LARGE1: variants seen among roughly 807,000 people sequenced by gnomAD.
The protein encoded by LARGE1 is xylosyl- and glucuronyltransferase LARGE1.
LARGE1 carries 43 observed loss-of-function variants against 87.6 expected under a neutral mutation model. That is an observed-to-expected ratio of 0.49 (90% CI 0.38 to 0.63). The LOEUF (loss-of-function observed/expected upper bound fraction) is 0.63, where lower values mean the gene tolerates loss of function less well. Among genes scored for constraint, LARGE1 ranks in the 30% least tolerant of loss-of-function variants. LARGE1 has a pLI of 0.00. For missense variants in LARGE1, 802 were observed against 1,000.2 expected (o/e 0.80, Z 2.67); for synonymous variants, 434 against 394.6 (o/e 1.10, Z -1.18).
At chr22:33,405,613 G>A (rs2066069562) in intron 7 of LARGE1, among the ~76,000 whole-genome samples, 1 of 152,178 alleles carries the variant, frequency 6.6e-6, no homozygotes, top group Non-Finnish European at 1.5e-5. Flanking sequence ...AGGGGCAGGA[G>A]CCTTCTGCTT....
chr22:33,586,289 T>C (rs867005002), intron 5 of LARGE1, among the ~76,000 whole-genome samples: 46 of 152,160 alleles, frequency 3.0e-4, no homozygotes, highest in African/African-American at 1.1e-3. Context: ...TATAAGTTTG[T>C]GGGTGCTCTT....
At chr22:33,757,449 G>T (rs496210) in intron 2 of LARGE1, among the ~76,000 whole-genome samples, 85,066 of 151,892 alleles carry the variant, frequency 0.56, 23,946 homozygotes, top group East Asian at 0.66. Context: ...CGGAAGAAAC[G>T]AAGGCCTACC....
chr22:33,711,405 C>T (rs1229137867), intron 2 of LARGE1, among the ~76,000 whole-genome samples: 4 of 152,174 alleles, frequency 2.6e-5, no homozygotes, highest in Non-Finnish European at 5.9e-5. Context: ...TTCACACTTT[C>T]GTTCAAATGT....
chr22:33,553,647 A>C (rs543757868), intron 6 of LARGE1, among the ~76,000 whole-genome samples: 1 of 152,200 alleles, frequency 6.6e-6, no homozygotes, highest in Admixed American at 6.5e-5. Context: ...CCTCACGCCA[A>C]TACCCCATGG....
At chr22:33,563,761 T>C (rs1039814880) in intron 6 of LARGE1, among the ~76,000 whole-genome samples, 1 of 152,216 alleles carries the variant, frequency 6.6e-6, no homozygotes, top group South Asian at 2.1e-4. Flanking sequence ...GTTAGTGTCA[T>C]TATTGACACG....
Position 33,434,500 on chromosome 22 carries a change from C to T in LARGE1, c.788-2235G>A, listed in dbSNP as rs549176735. Among the ~76,000 whole-genome samples the T allele has an allele frequency of 1.9e-4, 29 of 152,210 alleles. No homozygotes were observed. The South Asian group carries it at 5.8e-3, about 30-fold the overall frequency. ...TATTTTAGTAGAGACGGGGTTTCACCGTGTTGGCCAGGATGGTCTCGATCT... is the reference window on the plus strand; with the variant it reads ...TATTTTAGTAGAGACGGGGTTTCACTGTGTTGGCCAGGATGGTCTCGATCT... On this transcript the variant is annotated intron_variant, in intron 6 of 14. Transcript: ENST00000397394.
At chr22:33,755,584 C>T (rs2084483145) in intron 2 of LARGE1, among the ~76,000 whole-genome samples, 1 of 152,178 alleles carries the variant, frequency 6.6e-6, no homozygotes, top group African/African-American at 2.4e-5. Context: ...TAGAAAATAA[C>T]AGGTATGCTC....
At chr22:33,164,171 G>C (rs942006394) in exon 12 of LARGE1, 3 of 152,142 alleles carry the variant, frequency 2.0e-5, no homozygotes, top group African/African-American at 7.2e-5. Flanking sequence ...AATCCCTCAC[G>C]AGGAGCAGAA....
At chr22:33,582,419 G>A (rs2078548166) in intron 5 of LARGE1, among the ~76,000 whole-genome samples, 2 of 152,098 alleles carry the variant, frequency 1.3e-5, no homozygotes, top group South Asian at 4.2e-4. Context: ...AAAAAAAGAT[G>A]AGTTTGAAGT....
chr22:33,185,558 G>T (rs1923429074), intron 11 of LARGE1, among the ~76,000 whole-genome samples: 1 of 152,040 alleles, frequency 6.6e-6, no homozygotes, highest in South Asian at 2.1e-4. Flanking sequence ...ATGGGCTTTG[G>T]GTGATAATGA....
intron 6 of LARGE1, among the ~76,000 whole-genome samples, chr22:33,529,711 T>C (rs941970081): frequency 6.6e-6 from 1 of 152,168 alleles, no homozygotes; most frequent in Non-Finnish European, 1.5e-5. Context: ...GAAGGCTGCA[T>C]GTTCTAAGAT....
chr22:33,175,298 G>C (rs914835413), intron 11 of LARGE1, among the ~76,000 whole-genome samples: 17 of 151,968 alleles, frequency 1.1e-4, no homozygotes, highest in Non-Finnish European at 5.9e-5. Context: ...AGGATGGAAG[G>C]GAAGGGAAGG....
chr22:33,156,495 G>A, the LARGE1 span, among the ~76,000 whole-genome samples: 2 of 152,128 alleles, frequency 1.3e-5, no homozygotes, highest in Admixed American at 6.5e-5. Context: ...TGACTTGCTT[G>A]GTGCCTGTAT....
chr22:33,657,712 G>A (rs151225625), intron 2 of LARGE1, among the ~76,000 whole-genome samples: 293 of 152,154 alleles, frequency 1.9e-3, no homozygotes, highest in African/African-American at 3.9e-3. Flanking sequence ...CAGCTCACTC[G>A]CAGGTGCCAC....
chr22:33,678,222 G>A (rs576874507), intron 2 of LARGE1, among the ~76,000 whole-genome samples: 1 of 152,170 alleles, frequency 6.6e-6, no homozygotes, highest in Non-Finnish European at 1.5e-5. Context: ...TGTGGAAAGG[G>A]TTCTTATTTT....
chr22:33,149,389 A>T, the LARGE1 span, among the ~76,000 whole-genome samples: 151 of 152,180 alleles, frequency 9.9e-4, no homozygotes, highest in African/African-American at 3.5e-3. Context: ...TAGATTTAAT[A>T]AGGCCCACCA....
At chr22:33,620,611 T>C (rs2079718753) in intron 4 of LARGE1, among the ~76,000 whole-genome samples, 1 of 152,152 alleles carries the variant, frequency 6.6e-6, no homozygotes, top group Non-Finnish European at 1.5e-5. Context: ...CAAAAATATA[T>C]GTAACACTGA....
At chr22:33,921,154 C>A (rs532361663), upstream of LARGE1, among the ~76,000 whole-genome samples, 87 of 151,834 alleles carry the variant, frequency 5.7e-4, no homozygotes, top group Non-Finnish European at 1.1e-3. This position sits in a 1 kb window ranked among gnomAD's most constrained non-coding sequence, Gnocchi z 4.1. Context: ...CGCAGCCGCG[C>A]GGACCGAGAG....
chr22:33,248,365 T>C lies in LARGE1; in HGVS notation c.1730+55864A>G, dbSNP rs189887286. Among the ~76,000 whole-genome samples the C allele has an allele frequency of 1.9e-3, 296 of 152,244 alleles. 1 individual carries two copies. The highest frequency in any genetic ancestry group is 6.4e-3 in the African/African-American group (267 of 41,554). On this transcript the variant is annotated intron_variant, in intron 11 of 11. Coordinates refer to the LARGE1 transcript ENST00000608642. ...ACCACACCTAGCTAATTTTTTTGTG[T>C]ATTTTTAGTAGAGAGGGGGTTTCAC...
Sources: allele counts gnomAD v4.1 joint callset (sites outside exome capture counted in the v4.1 genomes callset), GRCh38; gene constraint gnomAD v4.1.1; non-coding constraint Gnocchi (gnomAD v3.1); transcripts MANE v1.5; gene names NCBI Gene and HGNC (gene_info 2026-07-23, HGNC 2026-07-21).